The following RLN2 variants were observed in gnomAD, a reference collection of about 807,000 sequenced individuals.
RLN2 encodes the protein prorelaxin H2.
RLN2 carries 10 observed loss-of-function variants against 7.3 expected under a neutral mutation model. The observed-to-expected ratio is 1.36, with a 90% CI of 0.84 to 2.31. The LOEUF (loss-of-function observed/expected upper bound fraction) is 2.31, where lower values mean the gene tolerates loss of function less well. Ranked by LOEUF, RLN2 falls within the 30% of genes most tolerant of loss-of-function variation. The probability of loss-of-function intolerance (pLI) is 0.00; values close to 1 mark genes in which losing one functional copy is unlikely to be tolerated. For synonymous variants in RLN2, 103 were observed against 82.3 expected, an observed-to-expected ratio of 1.25 and a Z score of -1.36; for missense variants, 298 against 217.6, an observed-to-expected ratio of 1.37 and a Z score of -2.32.
At chr9:5,320,832 C>G in the RLN2 span, among the ~76,000 whole-genome samples, 9 of 152,064 alleles carry the variant, frequency 5.9e-5, no homozygotes, top group Non-Finnish European at 1.2e-4. Flanking sequence ...CTTCTAGCTA[C>G]TCTGTGCTGG....
chr9:5,313,071 G>C, the RLN2 span, among the ~76,000 whole-genome samples: 2 of 151,922 alleles, frequency 1.3e-5, no homozygotes, highest in African/African-American at 2.4e-5. Context: ...GAATAGAATG[G>C]TCTGTATATG....
chr9:5,316,454 C>G, the RLN2 span, among the ~76,000 whole-genome samples: 1 of 151,946 alleles, frequency 6.6e-6, no homozygotes. Context: ...CCCTCACCCC[C>G]TGAAAGGCCC....
At chr9:5,315,454 G>C in the RLN2 span, among the ~76,000 whole-genome samples, 1 of 151,630 alleles carries the variant, frequency 6.6e-6, no homozygotes. Flanking sequence ...GGACATACGG[G>C]ACATCATTAA....
At chr9:5,303,017 T>C (rs1259778687) in intron 1 of RLN2, among the ~76,000 whole-genome samples, 4 of 108,920 alleles carry the variant, frequency 3.7e-5, no homozygotes, top group Admixed American at 3.1e-4. Flanking sequence ...TTGTCTTTAA[T>C]ATGAGCATTA....
At position 5,304,591 on chromosome 9, in the gene RLN2, G is replaced by T. The variant is rs771949229; in HGVS notation, c.-11C>A. 3 of 1,613,162 alleles carry T rather than the reference G, an allele frequency of 1.9e-6. No individual in the cohort carries two copies. Among genetic ancestry groups the T allele is most frequent in the Non-Finnish European group, 2.5e-6 (3 of 1,179,356 alleles). ...AAACAGGCGAGGCATCCTGGGCCTGGTCTCTCCTGGAGGTCGGGACGTTGC... is the reference window on the plus strand; with the variant it reads ...AAACAGGCGAGGCATCCTGGGCCTGTTCTCTCCTGGAGGTCGGGACGTTGC... On this transcript the variant is annotated 5_prime_UTR_variant, in exon 1 of 2. Coordinates refer to ENST00000381627, the MANE Select transcript of RLN2 (RefSeq NM_134441.3).
rs1350458069 is a variant in RLN2 at position 5,299,946 on chromosome 9, GATGTTTAGAT to G, written c.*142_*151del. 2 of 469,758 alleles carry G rather than the reference GATGTTTAGAT, an allele frequency of 4.3e-6. No homozygotes were observed. The highest frequency in any genetic ancestry group is 2.0e-5 in the African/African-American group (1 of 50,132). 29.1% of individuals were successfully genotyped at this position (469,758 alleles called of 1,614,324 possible). Reference sequence around the variant, plus strand: ...ATAAAAAAATCTAAACATCAACAAAGATGTTTAGATATTCTAAGAATTGATGGGACCTAAT... The same window carrying G: ...ATAAAAAAATCTAAACATCAACAAAGATTCTAAGAATTGATGGGACCTAAT... On this transcript the variant is annotated 3_prime_UTR_variant, in exon 2 of 2. Transcript: ENST00000381627.
chr9:5,330,651 A>G, the RLN2 span, among the ~76,000 whole-genome samples: 4 of 150,032 alleles, frequency 2.7e-5, no homozygotes, highest in East Asian at 1.9e-4. Flanking sequence ...AAAAAAAAAA[A>G]AAAAGAAAAA....
the RLN2 span, among the ~76,000 whole-genome samples, chr9:5,318,664 AGAAAATGAGC>A: frequency 1.3e-5 from 2 of 152,042 alleles, no homozygotes; most frequent in Admixed American, 6.6e-5. Context: ...TTGATTGGTA[AGAAAATGAGC>A]TGTGCTGCTC....
chr9:5,315,870 G>C, the RLN2 span, among the ~76,000 whole-genome samples: 6 of 151,992 alleles, frequency 3.9e-5, no homozygotes, highest in African/African-American at 7.3e-5. Flanking sequence ...AGATGAAGGA[G>C]AAATAAAGTC....
the RLN2 span, among the ~76,000 whole-genome samples, chr9:5,310,934 T>C: frequency 3.3e-5 from 5 of 152,142 alleles, no homozygotes; most frequent in Non-Finnish European, 5.9e-5. Flanking sequence ...TGTTTTACCT[T>C]CACTTATTCC....
the RLN2 span, among the ~76,000 whole-genome samples, chr9:5,313,429 C>G: frequency 6.6e-6 from 1 of 152,096 alleles, no homozygotes; most frequent in African/African-American, 2.4e-5. Context: ...TATCTTTTTA[C>G]AACCTTTCTA....
At chr9:5,308,366 A>G (rs1816290590), upstream of RLN2, among the ~76,000 whole-genome samples, 2 of 152,064 alleles carry the variant, frequency 1.3e-5, no homozygotes, top group South Asian at 4.2e-4. Context: ...AAGAAAGTTC[A>G]GAAAGAATCA....
chr9:5,337,511 C>T, the RLN2 span, among the ~76,000 whole-genome samples: 1 of 151,912 alleles, frequency 6.6e-6, no homozygotes, highest in Admixed American at 6.6e-5. Context: ...TAAAGCGGAT[C>T]TTATTTTTAA....
At chr9:5,308,244 C>A (rs377728977), upstream of RLN2, among the ~76,000 whole-genome samples, 1 of 152,104 alleles carries the variant, frequency 6.6e-6, no homozygotes, top group South Asian at 2.1e-4. Flanking sequence ...AAAAAGTCTT[C>A]TTCTCAGCAA....
upstream of RLN2, among the ~76,000 whole-genome samples, chr9:5,306,102 G>GGTT (rs1554618110): frequency 5.8e-4 from 72 of 123,452 alleles, no homozygotes; most frequent in African/African-American, 2.0e-3. Context: ...CTTTGTTTTT[G>GGTT]TTTTTTGTTT....
the RLN2 span, among the ~76,000 whole-genome samples, chr9:5,325,160 T>C: frequency 3.4e-4 from 51 of 151,800 alleles, no homozygotes; most frequent in Non-Finnish European, 6.0e-4. Context: ...TATTATTTTG[T>C]GGGGACAGGT....
At chr9:5,318,952 G>A in the RLN2 span, among the ~76,000 whole-genome samples, 1 of 152,068 alleles carries the variant, frequency 6.6e-6, no homozygotes, top group Middle Eastern at 3.4e-3. Flanking sequence ...TGCCCTCATG[G>A]AAATGAACAC....
chr9:5,335,539 G>T, the RLN2 span: 8 of 1,612,764 alleles, frequency 5.0e-6, no homozygotes, highest in East Asian at 1.8e-4. Context: ...AATTAGCAAT[G>T]AATTCCAACA....
chr9:5,337,243 G>A, the RLN2 span, among the ~76,000 whole-genome samples: 1 of 151,840 alleles, frequency 6.6e-6, no homozygotes, highest in African/African-American at 2.4e-5. Context: ...AAAAGCTGAT[G>A]GTAATTTTCT....
Sources: allele counts gnomAD v4.1 joint callset (sites outside exome capture counted in the v4.1 genomes callset), GRCh38; gene constraint gnomAD v4.1.1; transcripts MANE v1.5; gene names NCBI Gene and HGNC (gene_info 2026-07-23, HGNC 2026-07-21).